The following CNBD1 variants were observed in gnomAD, a reference collection of about 807,000 sequenced individuals.
The protein encoded by CNBD1 is cyclic nucleotide binding domain containing 1, also known as cyclic nucleotide-binding domain-containing protein 1.
A neutral mutation model predicts 54.4 loss-of-function variants in CNBD1; 71 were observed. The ratio of observed to expected loss-of-function variants is 1.30; its 90% confidence interval spans 1.08 to 1.59. The LOEUF is 1.59. CNBD1 is among the 40% of genes most tolerant of loss of function. The probability of loss-of-function intolerance (pLI) is 0.00; values close to 1 mark genes in which losing one functional copy is unlikely to be tolerated. For synonymous variants in CNBD1, 182 were observed against 170.7 expected (o/e 1.07, Z -0.51); for missense variants, 659 against 518.0 (o/e 1.27, Z -2.64).
chr8:87,294,517 A>G (rs1306084642), intron 8 of CNBD1, among the ~76,000 whole-genome samples: 1 of 152,058 alleles, frequency 6.6e-6, no homozygotes, highest in Non-Finnish European at 1.5e-5. Context: ...CACTGTCTCC[A>G]CTCCAAAGTC....
chr8:86,886,062 T>C (rs1808676399), intron 1 of CNBD1, among the ~76,000 whole-genome samples: 1 of 152,186 alleles, frequency 6.6e-6, no homozygotes, highest in South Asian at 2.1e-4. Context: ...TCAGAATTCC[T>C]TAAACCTTGA....
At chr8:87,111,720 TA>T (rs1169868701) in intron 4 of CNBD1, among the ~76,000 whole-genome samples, 1 of 152,190 alleles carries the variant, frequency 6.6e-6, no homozygotes, top group Non-Finnish European at 1.5e-5. Flanking sequence ...AGTGCTCATG[TA>T]TCCTTTCTCT....
At chr8:87,229,965 GAA>G (rs1407530693) in intron 5 of CNBD1, among the ~76,000 whole-genome samples, 4 of 152,110 alleles carry the variant, frequency 2.6e-5, no homozygotes, top group African/African-American at 9.7e-5. Context: ...AATTTATAAA[GAA>G]AAGAGTTTTA....
intron 4 of CNBD1, among the ~76,000 whole-genome samples, chr8:87,006,717 A>G (rs1330253642): frequency 6.6e-6 from 1 of 152,172 alleles, no homozygotes; most frequent in Non-Finnish European, 1.5e-5. Context: ...ACAATTCAAC[A>G]TGAGATCTGG....
At chr8:87,271,553 T>C (rs190450579) in intron 6 of CNBD1, among the ~76,000 whole-genome samples, 1 of 151,874 alleles carries the variant, frequency 6.6e-6, no homozygotes, top group Admixed American at 6.6e-5. Flanking sequence ...TTTGTGTAAT[T>C]TTCGAGGTTC....
At chr8:87,352,954 C>G (rs916032009) in intron 9 of CNBD1, among the ~76,000 whole-genome samples, 5 of 152,096 alleles carry the variant, frequency 3.3e-5, no homozygotes, top group Non-Finnish European at 7.4e-5. Flanking sequence ...ACTTTCCTAC[C>G]TGAGGGCTAT....
intron 10 of CNBD1, among the ~76,000 whole-genome samples, chr8:87,371,819 G>A (rs370581750): frequency 1.3e-5 from 2 of 151,844 alleles, no homozygotes; most frequent in Non-Finnish European, 2.9e-5. Flanking sequence ...AATAAATTAG[G>A]TATTGACAGG....
intron 5 of CNBD1, among the ~76,000 whole-genome samples, chr8:87,216,922 G>A (rs185672900): frequency 1.2e-4 from 19 of 152,220 alleles, no homozygotes; most frequent in Non-Finnish European, 2.1e-4. Context: ...CTGGCTTATA[G>A]AAATCAGTGC....
intron 10 of CNBD1, among the ~76,000 whole-genome samples, chr8:87,360,693 TG>T (rs1250252512): frequency 6.6e-6 from 1 of 152,006 alleles, no homozygotes; most frequent in East Asian, 1.9e-4. Flanking sequence ...GAATTACTGA[TG>T]TTTTTTATTA....
At chr8:87,401,670 C>A (rs1807567578) in intron 2 of CNBD1, among the ~76,000 whole-genome samples, 1 of 152,136 alleles carries the variant, frequency 6.6e-6, no homozygotes, top group Middle Eastern at 3.4e-3. Context: ...CAATATCTAC[C>A]TAACCTTTAA....
At chr8:87,306,243 T>C (rs1478989495) in intron 8 of CNBD1, among the ~76,000 whole-genome samples, 1 of 151,986 alleles carries the variant, frequency 6.6e-6, no homozygotes, top group Non-Finnish European at 1.5e-5. Context: ...AATCAAAAAA[T>C]CAATAAAACA....
chr8:87,311,121 A>G (rs987023390), intron 8 of CNBD1, among the ~76,000 whole-genome samples: 1 of 152,136 alleles, frequency 6.6e-6, no homozygotes, highest in Non-Finnish European at 1.5e-5. Flanking sequence ...TAAACTAAAA[A>G]GCTTCTGCAC....
rs1276767931 is a variant in CNBD1 at position 87,113,640 on chromosome 8, C to A, written c.432-92353C>A. On this transcript the variant is annotated intron_variant, in intron 4 of 10. Transcript: ENST00000518476. ...ACTTACCTCAAAAAGAAATGATGGG[C>A]CGGGCACGGTGACTCACGCCTGTAA... Among the ~76,000 whole-genome samples the A allele has an allele frequency of 2.0e-5, 3 of 152,232 alleles. No homozygotes were observed. The East Asian group carries it at 5.8e-4, about 29-fold the overall frequency.
At chr8:87,116,533 T>C (rs1450303327) in intron 4 of CNBD1, among the ~76,000 whole-genome samples, 1 of 152,050 alleles carries the variant, frequency 6.6e-6, no homozygotes, top group East Asian at 1.9e-4. Context: ...TATATAATCT[T>C]TTTTTAAGTT....
At chr8:86,900,643 A>G (rs970706441) in intron 2 of CNBD1, among the ~76,000 whole-genome samples, 5 of 152,288 alleles carry the variant, frequency 3.3e-5, no homozygotes, top group Middle Eastern at 6.8e-3. Context: ...AGCTACTATA[A>G]CAATCCTAAA....
chr8:86,928,260 C>T lies in CNBD1; in HGVS notation c.273-11336C>T, dbSNP rs141567693. Among the ~76,000 whole-genome samples, 351 of 152,286 alleles carry T rather than the reference C, an allele frequency of 2.3e-3. 2 individuals are homozygous for T. The highest frequency in any genetic ancestry group is 8.2e-3 in the African/African-American group (339 of 41,570). On this transcript the variant is annotated intron_variant, in intron 3 of 10. Coordinates refer to ENST00000518476, the MANE Select transcript of CNBD1 (RefSeq NM_173538.3). ...CATTTGTGAGAAAATGTCATCCATA[C>T]AGCATTTCATATGGACTTACCCCCA...
chr8:87,273,082 CT>C (rs1808400508), intron 6 of CNBD1, among the ~76,000 whole-genome samples: 1 of 151,638 alleles, frequency 6.6e-6, no homozygotes, highest in Admixed American at 6.6e-5. Flanking sequence ...TCAATTTCCC[CT>C]AATAATAGGA....
chr8:87,226,129 C>A (rs1241589535), intron 5 of CNBD1, among the ~76,000 whole-genome samples: 2 of 152,104 alleles, frequency 1.3e-5, no homozygotes, highest in Non-Finnish European at 2.9e-5. Context: ...ATTCTTCTCT[C>A]TTTTTTTCTT....
At chr8:87,352,169 T>C (rs1254088655) in intron 9 of CNBD1, among the ~76,000 whole-genome samples, 1 of 152,096 alleles carries the variant, frequency 6.6e-6, no homozygotes, top group Non-Finnish European at 1.5e-5. Context: ...TGAAAACATA[T>C]GTCTACACGA....
Sources: allele counts gnomAD v4.1 joint callset (sites outside exome capture counted in the v4.1 genomes callset), GRCh38; gene constraint gnomAD v4.1.1; transcripts MANE v1.5; gene names NCBI Gene and HGNC (gene_info 2026-07-23, HGNC 2026-07-21).